NTM: variants seen among roughly 807,000 people sequenced by gnomAD.
NTM encodes IgLON family member 2.
NTM carries 13 observed loss-of-function variants against 42.1 expected under a neutral mutation model. That is an observed-to-expected ratio of 0.31 (90% CI 0.20 to 0.49). The LOEUF (loss-of-function observed/expected upper bound fraction) is 0.49. Among genes scored for constraint, NTM ranks in the 20% least tolerant of loss-of-function variants. The probability of loss-of-function intolerance (pLI) is 0.99; values close to 1 mark genes in which losing one functional copy is unlikely to be tolerated. For synonymous variants in NTM, 187 were observed against 179.2 expected (o/e 1.04, Z -0.35); for missense variants, 373 against 452.8 (o/e 0.82, Z 1.60).
intron 1 of NTM, among the ~76,000 whole-genome samples, chr11:131,752,800 C>CT (rs34245401): frequency 0.55 from 82,886 of 151,892 alleles, 22,626 homozygotes; most frequent in East Asian, 0.6. Context: ...AGAAGAAAAC[C>CT]GCGCATTACC....
At chr11:131,785,776 T>C (rs373017665) in intron 1 of NTM, among the ~76,000 whole-genome samples, 1 of 152,316 alleles carries the variant, frequency 6.6e-6, no homozygotes, top group African/African-American at 2.4e-5. Flanking sequence ...AACCTAACAA[T>C]ACAATGCAAG....
intron 1 of NTM, among the ~76,000 whole-genome samples, chr11:131,676,571 AGAC>A (rs2071441865): frequency 6.6e-6 from 1 of 152,232 alleles, no homozygotes; most frequent in African/African-American, 2.4e-5. Context: ...AGGTTTTATC[AGAC>A]GACCTTCACA....
chr11:131,972,340 A>G (rs1396499618), intron 2 of NTM, among the ~76,000 whole-genome samples: 1 of 152,202 alleles, frequency 6.6e-6, no homozygotes, highest in African/African-American at 2.4e-5. Context: ...ACACATACAT[A>G]CACATACATG....
chr11:131,701,597 T>A (rs555794589), intron 1 of NTM, among the ~76,000 whole-genome samples: 1 of 152,356 alleles, frequency 6.6e-6, no homozygotes, highest in East Asian at 1.9e-4. Flanking sequence ...ATGGCTTATG[T>A]GTTTATTCTT....
chr11:132,008,948 T>G (rs1392437270), intron 2 of NTM, among the ~76,000 whole-genome samples: 4 of 151,962 alleles, frequency 2.6e-5, no homozygotes, highest in Non-Finnish European at 5.9e-5. Flanking sequence ...ACAAAATGTT[T>G]TATAACTGGA....
At chr11:131,427,287 C>A (rs184056175) in intron 1 of NTM, among the ~76,000 whole-genome samples, 171 of 152,196 alleles carry the variant, frequency 1.1e-3, no homozygotes, top group Non-Finnish European at 2.0e-3. Flanking sequence ...AAATCTGAAT[C>A]TTTAGGCATT....
chr11:131,759,628 C>G (rs985037240), intron 1 of NTM, among the ~76,000 whole-genome samples: 2 of 151,786 alleles, frequency 1.3e-5, no homozygotes, highest in Non-Finnish European at 2.9e-5. Context: ...AGAGAGAAGC[C>G]AGCTCTTCCG....
At chr11:131,476,544 C>T (rs780038469) in intron 1 of NTM, among the ~76,000 whole-genome samples, 4 of 152,092 alleles carry the variant, frequency 2.6e-5, no homozygotes, top group Non-Finnish European at 5.9e-5. Flanking sequence ...TTACAGGCTC[C>T]AAAGTAATGG....
chr11:132,018,887 T>C lies in NTM; in HGVS notation c.167+107239T>C, dbSNP rs549043400. ...GAAGATTTTTCATTGCTAATTTAAA[T>C]GCTTGATTTAGTTTTATTCAGATTT... On this transcript the variant is annotated intron_variant, in intron 2 of 8. Transcript: ENST00000683400. Among the ~76,000 whole-genome samples, 437 of 152,156 alleles carry C rather than the reference T, an allele frequency of 2.9e-3. 1 individual carries two copies. Among genetic ancestry groups the C allele is most frequent in the Non-Finnish European group, 5.0e-3 (337 of 67,890 alleles).
chr11:131,393,228 T>C (rs12418400), intron 1 of NTM, among the ~76,000 whole-genome samples: 5,657 of 152,164 alleles, frequency 0.037, 202 homozygotes, highest in African/African-American at 0.092. Flanking sequence ...CTGAAGTGGA[T>C]CCCCAGACTG....
intron 2 of NTM, among the ~76,000 whole-genome samples, chr11:132,110,212 T>C (rs2136723527): frequency 6.6e-6 from 1 of 152,382 alleles, no homozygotes. Context: ...CCCCAGTGGC[T>C]AGAACTTTGC....
At chr11:131,869,675 A>G (rs572180278) in intron 1 of NTM, among the ~76,000 whole-genome samples, 2 of 152,218 alleles carry the variant, frequency 1.3e-5, no homozygotes, top group Admixed American at 6.5e-5. Context: ...TTCAGTGATA[A>G]TTCAGAAAAT....
intron 1 of NTM, among the ~76,000 whole-genome samples, chr11:131,708,049 C>T (rs1322017036): frequency 6.6e-6 from 1 of 152,070 alleles, no homozygotes; most frequent in Non-Finnish European, 1.5e-5. Flanking sequence ...GCTGGTAAGA[C>T]TAATATTTGA....
At chr11:132,211,037 T>G (rs1416893501) in intron 3 of NTM, among the ~76,000 whole-genome samples, 1 of 152,096 alleles carries the variant, frequency 6.6e-6, no homozygotes. Context: ...TCTGGGCACA[T>G]GGATGAAGAA....
chr11:132,248,727 C>T (rs1239067110), intron 4 of NTM, among the ~76,000 whole-genome samples: 2 of 152,222 alleles, frequency 1.3e-5, no homozygotes, highest in Non-Finnish European at 2.9e-5. Flanking sequence ...CAGCTGAAGG[C>T]AGTAAATTCA....
intron 2 of NTM, among the ~76,000 whole-genome samples, chr11:132,143,793 C>T (rs564839211): frequency 3.9e-5 from 6 of 152,168 alleles, no homozygotes; most frequent in East Asian, 1.9e-4. Context: ...AAACTTATGT[C>T]GTTCCAAATT....
chr11:131,859,614 T>TA (rs2046418742), intron 1 of NTM, among the ~76,000 whole-genome samples: 1 of 152,120 alleles, frequency 6.6e-6, no homozygotes, highest in Non-Finnish European at 1.5e-5. Context: ...GTTCTGTGAC[T>TA]TGGCTACTTT....
intron 1 of NTM, among the ~76,000 whole-genome samples, chr11:131,448,235 G>T (rs1008793768): frequency 1.3e-5 from 2 of 152,218 alleles, no homozygotes; most frequent in African/African-American, 4.8e-5. Context: ...CTGAGTGAGG[G>T]GTTGGAGCAG....
chr11:131,924,636 C>T (rs896562065), intron 2 of NTM, among the ~76,000 whole-genome samples: 1 of 139,150 alleles, frequency 7.2e-6, no homozygotes, highest in East Asian at 1.9e-4. Flanking sequence ...TCCAAAATTA[C>T]CTTGGAAACC....
Sources: gnomAD v4.1 joint callset for allele counts (sites outside exome capture counted in the v4.1 genomes callset) on GRCh38, gnomAD v4.1.1 for gene constraint, MANE v1.5 for transcripts, NCBI Gene and HGNC (gene_info 2026-07-23, HGNC 2026-07-21) for gene names.